Variants in TMTC2 observed in about 807,000 individuals in gnomAD.
The protein encoded by TMTC2 is protein O-mannosyl-transferase TMTC2.
TMTC2 carries 43 observed loss-of-function variants against 82.4 expected under a neutral mutation model. That is an observed-to-expected ratio of 0.52 (90% CI 0.41 to 0.67). The LOEUF (loss-of-function observed/expected upper bound fraction) is 0.67. Among genes scored for constraint, TMTC2 ranks in the 30% least tolerant of loss-of-function variants. The pLI is 0.00. For missense variants in TMTC2, 919 were observed against 1,012.4 expected (o/e 0.91, Z 1.25); for synonymous variants, 408 against 381.9 (o/e 1.07, Z -0.80).
intron 10 of TMTC2, among the ~76,000 whole-genome samples, chr12:83,059,960 C>T (rs1200031086): frequency 1.3e-5 from 2 of 151,634 alleles, no homozygotes; most frequent in African/African-American, 4.8e-5. Flanking sequence ...GGGAGAAAAC[C>T]TTTCCAGGGC....
chr12:82,836,605 G>C (rs116330209), intron 1 of TMTC2, among the ~76,000 whole-genome samples: 117 of 152,250 alleles, frequency 7.7e-4, no homozygotes, highest in African/African-American at 2.7e-3. Flanking sequence ...CTGATGCCTT[G>C]ATTTTAGACC....
intron 1 of TMTC2, among the ~76,000 whole-genome samples, chr12:82,766,645 G>A (rs1011617040): frequency 6.6e-6 from 1 of 152,158 alleles, no homozygotes; most frequent in African/African-American, 2.4e-5. Flanking sequence ...TGCCAAATAT[G>A]GCAGAGATTC....
chr12:82,912,301 A>C (rs1009320754), intron 3 of TMTC2, among the ~76,000 whole-genome samples: 1 of 152,194 alleles, frequency 6.6e-6, no homozygotes, highest in African/African-American at 2.4e-5. Context: ...TTTTCTTCTT[A>C]AGATGCCTGG....
intron 1 of TMTC2, among the ~76,000 whole-genome samples, chr12:82,753,875 C>T (rs980566407): frequency 3.3e-5 from 5 of 152,164 alleles, no homozygotes; most frequent in African/African-American, 1.2e-4. Context: ...AAAAATAAAG[C>T]GTACTATATT....
At chr12:82,991,784 A>T (rs1310325055) in intron 8 of TMTC2, among the ~76,000 whole-genome samples, 1 of 152,222 alleles carries the variant, frequency 6.6e-6, no homozygotes, top group Non-Finnish European at 1.5e-5. Flanking sequence ...AAGGAATAAC[A>T]TTTCCATTAA....
intron 4 of TMTC2, among the ~76,000 whole-genome samples, chr12:82,950,456 C>T (rs1415572815): frequency 6.6e-6 from 1 of 152,144 alleles, no homozygotes; most frequent in Non-Finnish European, 1.5e-5. Flanking sequence ...ATGTAGTTCT[C>T]CGAATCCTAG....
At chr12:83,020,504 T>C (rs1190331089) in intron 8 of TMTC2, among the ~76,000 whole-genome samples, 1 of 152,232 alleles carries the variant, frequency 6.6e-6, no homozygotes, top group Non-Finnish European at 1.5e-5. Context: ...GTAACTTTAT[T>C]GTAAATTTAA....
chr12:82,875,026 G>GT (rs1872409487), intron 2 of TMTC2, among the ~76,000 whole-genome samples: 2 of 152,104 alleles, frequency 1.3e-5, no homozygotes, highest in South Asian at 4.1e-4. Flanking sequence ...GATAGTCAAT[G>GT]TTTTTTGCTG....
intron 1 of TMTC2, among the ~76,000 whole-genome samples, chr12:82,835,750 G>A (rs903437678): frequency 1.3e-5 from 2 of 152,162 alleles, no homozygotes; most frequent in African/African-American, 4.8e-5. Flanking sequence ...TAGGCAGTTC[G>A]CATTGATATG....
Position 82,867,933 on chromosome 12 carries a change from G to C in TMTC2, c.654+10353G>C, listed in dbSNP as rs367577913. 5.9e-5 allele frequency among the ~76,000 whole-genome samples: 9 copies of C among 152,262 alleles called. No individual in the cohort carries two copies. In the South Asian group the frequency reaches 1.9e-3, roughly 32 times the overall value. On this transcript the variant is annotated intron_variant, in intron 2 of 11. Transcript: ENST00000321196. ...TCTTTTCACGCAGAGATGCTTATAA[G>C]TCTATCGGGGAAAGGCCATTGGACT...
chr12:82,783,818 A>G (rs1878030816), intron 1 of TMTC2, among the ~76,000 whole-genome samples: 1 of 151,978 alleles, frequency 6.6e-6, no homozygotes, highest in Admixed American at 6.6e-5. Flanking sequence ...AAGGGTGGGG[A>G]GGAGGAGGAT....
intron 4 of TMTC2, among the ~76,000 whole-genome samples, chr12:82,934,529 TC>T (rs1876214048): frequency 6.6e-6 from 1 of 152,144 alleles, no homozygotes; most frequent in Non-Finnish European, 1.5e-5. Context: ...GTTTCCAGCA[TC>T]ATCCATGTCC....
intron 4 of TMTC2, among the ~76,000 whole-genome samples, chr12:82,934,614 T>C (rs896334433): frequency 2.0e-5 from 3 of 152,206 alleles, no homozygotes; most frequent in African/African-American, 4.8e-5. Flanking sequence ...ACATTTTCTT[T>C]ATCCAGTCTA....
At chr12:83,044,266 C>T (rs1394740678) in intron 9 of TMTC2, among the ~76,000 whole-genome samples, 1 of 152,030 alleles carries the variant, frequency 6.6e-6, no homozygotes, top group Admixed American at 6.6e-5. Context: ...ATTAAATCTC[C>T]AAAGTGTGCC....
intron 8 of TMTC2, among the ~76,000 whole-genome samples, chr12:83,026,690 A>C (rs1037899246): frequency 6.7e-6 from 1 of 149,604 alleles, no homozygotes; most frequent in Admixed American, 6.7e-5. Context: ...GGGGAGTTTT[A>C]GAAATGATTG....
chr12:83,014,256 G>T (rs545589129), intron 8 of TMTC2, among the ~76,000 whole-genome samples: 12 of 152,262 alleles, frequency 7.9e-5, no homozygotes, highest in African/African-American at 2.9e-4. Flanking sequence ...TCTGCCTTCT[G>T]CACTCAAGTG....
At chr12:83,006,812 A>G (rs907931203) in intron 8 of TMTC2, among the ~76,000 whole-genome samples, 1 of 152,196 alleles carries the variant, frequency 6.6e-6, no homozygotes, top group African/African-American at 2.4e-5. Context: ...GGATATGGAT[A>G]AAGCTGGAAA....
At chr12:82,840,746 C>T (rs7969232) in intron 1 of TMTC2, among the ~76,000 whole-genome samples, 5,860 of 152,182 alleles carry the variant, frequency 0.039, 370 homozygotes, top group African/African-American at 0.13. Flanking sequence ...TAAACTATAC[C>T]ATCACTTGAG....
At chr12:82,925,650 A>G (rs1875661191) in intron 3 of TMTC2, among the ~76,000 whole-genome samples, 1 of 152,212 alleles carries the variant, frequency 6.6e-6, no homozygotes, top group African/African-American at 2.4e-5. Context: ...TTTAATTATT[A>G]TATCTGTTAT....
Sources: allele counts gnomAD v4.1 joint callset (sites outside exome capture counted in the v4.1 genomes callset), GRCh38; gene constraint gnomAD v4.1.1; transcripts MANE v1.5; gene names NCBI Gene and HGNC (gene_info 2026-07-23, HGNC 2026-07-21).